PPP1R3A: variants seen among roughly 807,000 people sequenced by gnomAD.
The protein encoded by PPP1R3A is RG1.
Under a neutral mutation model 41.7 loss-of-function variants are expected in PPP1R3A, and 29 were observed. The ratio of observed to expected loss-of-function variants is 0.70; its 90% CI spans 0.52 to 0.95. The LOEUF (loss-of-function observed/expected upper bound fraction) is 0.95, where lower values mean the gene tolerates loss of function less well. Among genes scored for constraint, PPP1R3A ranks in the 40% least tolerant of loss-of-function variants. PPP1R3A has a pLI of 0.00. For missense variants in PPP1R3A, 1,352 were observed against 1,292.4 expected (o/e 1.05, Z -0.71); for synonymous variants, 485 against 453.4 (o/e 1.07, Z -0.89).
In PPP1R3A at chr7:113,879,942, C is replaced by T. The variant is rs533705714; in HGVS notation, c.1150G>A (p.Val384Ile). The T allele has an allele frequency of 7.6e-5, 122 of 1,613,490 alleles. No homozygotes were observed. The South Asian group carries it at 1.2e-3, about 16-fold the overall frequency. Residue 384 changes from valine (V) to isoleucine (I), a missense_variant, in exon 4 of 4, where the codon GTA (valine) becomes ATA (isoleucine). Coordinates refer to ENST00000284601, the MANE Select transcript of PPP1R3A (RefSeq NM_002711.4). The part of the protein sequence containing the change: ...LSPSSSAESS[V>I]KGDFYCNEKY... ...TCATTGCAGTAAAAATCTCCCTTTA[C>T]GGAGCTTTCTGCTGATGAACTTGGA... is the stretch of plus-strand genomic sequence containing the variant.
In PPP1R3A at chr7:113,918,814, A is replaced by C. The variant is rs770797313; in HGVS notation, c.183T>G (p.Thr61=). 11 of 1,613,600 alleles carry C rather than the reference A, an allele frequency of 6.8e-6. No individual in the cohort carries two copies. The highest frequency in any genetic ancestry group is 3.3e-5 in the Admixed American group (2 of 59,970). ...AGGAATCAGCAAATGAAACTCTTCT[A>C]GTACCTGAAGATGGGGTATCCAGGT... is the stretch of plus-strand genomic sequence containing the variant. ...DIYLDTPSSG[T]RRVSFADSFG... Residue 61 remains threonine (T), a synonymous_variant, in exon 1 of 4, where the codon ACT becomes ACG. Coordinates refer to ENST00000284601, the MANE Select transcript of PPP1R3A (RefSeq NM_002711.4).
At chr7:113,884,332 G>A (rs774509244) in intron 1 of PPP1R3A, among the ~76,000 whole-genome samples, 5 of 151,952 alleles carry the variant, frequency 3.3e-5, no homozygotes, top group Non-Finnish European at 5.9e-5. Context: ...GAAATAGCAG[G>A]GAGGAGGAAC....
chr7:113,882,199 G>A (rs746272590), intron 2 of PPP1R3A, 36 bp from the exon 3 acceptor site: 36 of 1,601,454 alleles, frequency 2.2e-5, no homozygotes, highest in Non-Finnish European at 3.1e-5. Flanking sequence ...ATGTAAGATT[G>A]TTTTAATTGT....
intron 1 of PPP1R3A, among the ~76,000 whole-genome samples, chr7:113,912,207 C>T (rs1014285872): frequency 3.9e-5 from 6 of 152,218 alleles, no homozygotes; most frequent in East Asian, 1.9e-4. Flanking sequence ...CCTATCACAA[C>T]GTACTTAAAT....
intron 1 of PPP1R3A, among the ~76,000 whole-genome samples, chr7:113,905,766 A>G (rs1480223336): frequency 6.6e-6 from 1 of 151,856 alleles, no homozygotes; most frequent in East Asian, 1.9e-4. Flanking sequence ...TAGAGTGTCT[A>G]GGGATGCCAG....
At chr7:113,914,523 A>T (rs1337216763) in intron 1 of PPP1R3A, among the ~76,000 whole-genome samples, 1 of 152,146 alleles carries the variant, frequency 6.6e-6, no homozygotes, top group East Asian at 1.9e-4. Flanking sequence ...TGTTGATTAA[A>T]ATCTTGCAAG....
At chr7:113,907,205 A>G (rs1220217458) in intron 1 of PPP1R3A, among the ~76,000 whole-genome samples, 3 of 151,774 alleles carry the variant, frequency 2.0e-5, no homozygotes, top group African/African-American at 7.2e-5. Flanking sequence ...TTTTATCACT[A>G]CTGCTCATGA....
chr7:113,882,145 A>C lies in PPP1R3A; in HGVS notation c.860T>G (p.Ile287Ser). 1 of 1,611,568 alleles carries C rather than the reference A, an allele frequency of 6.2e-7. No homozygotes were observed. The highest frequency in any genetic ancestry group is 2.2e-5 in the East Asian group (1 of 44,754). Residue 287 changes from isoleucine (I) to serine (S), a missense_variant, in exon 3 of 4, where the codon ATC (isoleucine) becomes AGC (serine). Ile to Ser is a moderately radical substitution (Grantham distance 142, BLOSUM62 -2). Transcript: ENST00000284601. ...TTCCTTGTCCTCATGAGAACAAATG[A>C]TTGTTGGGATATAGGTATCTGAAAA... ...PKNTDTYIPT[I>S]ICSHEDKEDL...
In PPP1R3A at chr7:113,880,084, T is replaced by G. The variant is rs1272301375; in HGVS notation, c.1008A>C (p.Arg336Ser). ...HLIRTRSTASRDERNTFSTDP... is the reference protein window; with the variant it reads ...HLIRTRSTASSDERNTFSTDP... Reference sequence around the variant, plus strand: ...CTGTTGAAAATGTATTCCTTTCATCTCTGGAAGCAGTACTTCTGGTTCTTA... The same window carrying G: ...CTGTTGAAAATGTATTCCTTTCATCGCTGGAAGCAGTACTTCTGGTTCTTA... Residue 336 changes from arginine (R) to serine (S), a missense_variant, in exon 4 of 4, where the codon AGA becomes AGC. Arg to Ser is a moderately radical substitution (Grantham distance 110). Transcript: ENST00000284601. The G allele has an allele frequency of 6.2e-7, 1 of 1,607,632 alleles. No homozygotes were observed. Among genetic ancestry groups the G allele is most frequent in the Non-Finnish European group, 8.5e-7 (1 of 1,174,638 alleles).
chr7:113,894,485 A>G (rs1327998411), intron 1 of PPP1R3A, among the ~76,000 whole-genome samples: 9 of 151,958 alleles, frequency 5.9e-5, no homozygotes, highest in African/African-American at 1.9e-4. Flanking sequence ...GCAAGAAAGT[A>G]GTGATTGTCC....
At chr7:113,886,763 T>A (rs1030985449) in intron 1 of PPP1R3A, among the ~76,000 whole-genome samples, 2 of 152,198 alleles carry the variant, frequency 1.3e-5, no homozygotes, top group East Asian at 3.9e-4. Flanking sequence ...ACTAGTCATA[T>A]GACCAATTAG....
chr7:113,903,685 C>T (rs144616528), intron 1 of PPP1R3A, among the ~76,000 whole-genome samples: 1 of 151,796 alleles, frequency 6.6e-6, no homozygotes, highest in East Asian at 2.0e-4. Flanking sequence ...CTAATGTGCC[C>T]TCCAAACTCT....
intron 1 of PPP1R3A, among the ~76,000 whole-genome samples, chr7:113,884,547 G>C (rs1006714991): frequency 3.2e-4 from 49 of 151,976 alleles, no homozygotes; most frequent in Middle Eastern, 3.4e-3. Context: ...AGTTGAGAGA[G>C]AGAAAATGGC....
chr7:113,905,145 GAATT>G (rs1039331467), intron 1 of PPP1R3A, among the ~76,000 whole-genome samples: 1 of 151,472 alleles, frequency 6.6e-6, no homozygotes, highest in African/African-American at 2.4e-5. Context: ...AGTAATGTAA[GAATT>G]AATTGATGTA....
chr7:113,890,459 A>T (rs779952545), intron 1 of PPP1R3A, among the ~76,000 whole-genome samples: 2 of 152,158 alleles, frequency 1.3e-5, no homozygotes, highest in Non-Finnish European at 2.9e-5. Flanking sequence ...GCTGAGGTGC[A>T]CTAGTGCTTG....
chr7:113,881,919 G>C, intron 3 of PPP1R3A, 120 bp downstream of exon 3: 1 of 1,136,500 alleles, frequency 8.8e-7, no homozygotes, highest in Non-Finnish European at 1.3e-6. Flanking sequence ...GGACAGAATA[G>C]GCTGTGCTTT....
intron 1 of PPP1R3A, 91 bp from the exon 2 acceptor site, chr7:113,882,411 C>A (rs761272494): frequency 4.0e-6 from 3 of 756,998 alleles, no homozygotes; most frequent in Non-Finnish European, 6.7e-6. Context: ...CAGTAACAAG[C>A]CAAATAAACA....
intron 1 of PPP1R3A, among the ~76,000 whole-genome samples, chr7:113,891,820 T>C (rs1166667406): frequency 1.3e-5 from 2 of 152,000 alleles, no homozygotes; most frequent in Admixed American, 6.6e-5. Context: ...TAAAACCCCA[T>C]ATGTCTCTTA....
rs1796635924 is a variant in PPP1R3A at position 113,879,246 on chromosome 7, G to A, written c.1846C>T (p.Gln616Ter). 6.2e-7 allele frequency: 1 copy of A among 1,613,650 alleles called. No homozygotes were observed. Among genetic ancestry groups the A allele is most frequent in the Non-Finnish European group, 8.5e-7 (1 of 1,179,750 alleles). The change falls in exon 4 of 4, where the codon CAA becomes TAA. Residue 616 changes from glutamine to a stop codon, truncating the protein, a stop_gained. Transcript: ENST00000284601. LOFTEE classifies it low-confidence loss of function (END_TRUNC). ...EGSALGGITGQVCSSRTGNVL... is the reference protein window; with the variant it reads ...EGSALGGITG ...TTTCCAGTTCTTGATGAACAAACTT[G>A]ACCAGTTATCCCTCCTAAAGCGCTG...
Sources: allele counts gnomAD v4.1 joint callset (sites outside exome capture counted in the v4.1 genomes callset), GRCh38; gene constraint gnomAD v4.1.1; transcripts MANE v1.5; gene names NCBI Gene and HGNC (gene_info 2026-07-23, HGNC 2026-07-21).